Variants in CYP2C18 observed in about 807,000 individuals in gnomAD.
The protein encoded by CYP2C18 is cytochrome P450 2C18.
A neutral mutation model predicts 41.3 loss-of-function variants in CYP2C18; 38 were observed. The ratio of observed to expected loss-of-function variants is 0.92; its 90% CI spans 0.71 to 1.21. CYP2C18 has a LOEUF of 1.21. Among genes scored for constraint, CYP2C18 ranks in the 50% most tolerant of loss-of-function variants. The pLI, the probability that CYP2C18 is intolerant of heterozygous loss-of-function variation, is 0.00. For missense variants in CYP2C18, 635 were observed against 591.4 expected (o/e 1.07, Z -0.77); for synonymous variants, 236 against 210.0 (o/e 1.12, Z -1.07).
chr10:94,696,218 G>T (rs1256769647), intron 4 of CYP2C18, among the ~76,000 whole-genome samples: 1 of 152,160 alleles, frequency 6.6e-6, no homozygotes, highest in Non-Finnish European at 1.5e-5. Flanking sequence ...TAGCCTAACT[G>T]GGAGGCACAC....
intron 5 of CYP2C18, among the ~76,000 whole-genome samples, chr10:94,713,687 T>A (rs1001835349): frequency 4.6e-5 from 7 of 152,322 alleles, no homozygotes; most frequent in Non-Finnish European, 8.8e-5. Flanking sequence ...ATCCTTTGGG[T>A]ATATACCCAG....
intron 4 of CYP2C18, among the ~76,000 whole-genome samples, chr10:94,699,275 T>C (rs550613878): frequency 1.3e-5 from 2 of 152,264 alleles, no homozygotes; most frequent in South Asian, 2.1e-4. Context: ...AAAAAGCTTA[T>C]CCACTATGAT....
At chr10:94,733,623 G>A (rs1847871950) in intron 8 of CYP2C18, 185 bp downstream of exon 8, 1 of 984,094 alleles carries the variant, frequency 1.0e-6, no homozygotes, top group Non-Finnish European at 1.2e-6. Flanking sequence ...GGTTAGTGGG[G>A]CTTTGGGGAG....
chr10:94,703,393 C>T (rs1405722197), intron 4 of CYP2C18, among the ~76,000 whole-genome samples: 6 of 152,228 alleles, frequency 3.9e-5, no homozygotes, highest in Admixed American at 3.9e-4. Context: ...CTATAGTCCC[C>T]TACTGGGGCT....
intron 4 of CYP2C18, among the ~76,000 whole-genome samples, chr10:94,701,448 A>G (rs1385033890): frequency 2.0e-5 from 3 of 152,062 alleles, no homozygotes; most frequent in Non-Finnish European, 4.4e-5. Flanking sequence ...GAAGGGGAAC[A>G]TCACACACTG....
At chr10:94,714,312 T>G (rs1295935974) in intron 5 of CYP2C18, among the ~76,000 whole-genome samples, 2 of 152,222 alleles carry the variant, frequency 1.3e-5, no homozygotes, top group Non-Finnish European at 2.9e-5. Flanking sequence ...TGGTTTTAGA[T>G]CTGACATTTA....
intron 4 of CYP2C18, among the ~76,000 whole-genome samples, chr10:94,701,347 T>G (rs1184006078): frequency 6.6e-6 from 1 of 152,164 alleles, no homozygotes; most frequent in African/African-American, 2.4e-5. Context: ...GAAACCATAA[T>G]TCTCAGCAAA....
intron 4 of CYP2C18, among the ~76,000 whole-genome samples, chr10:94,696,004 C>T (rs1359361368): frequency 6.6e-6 from 1 of 152,106 alleles, no homozygotes; most frequent in East Asian, 1.9e-4. Flanking sequence ...CTGGGTGGAG[C>T]CCACCGCAGC....
chr10:94,711,896 A>T (rs1847441621), intron 5 of CYP2C18, among the ~76,000 whole-genome samples: 1 of 151,290 alleles, frequency 6.6e-6, no homozygotes, highest in Non-Finnish European at 1.5e-5. Context: ...GGCTGTTGTG[A>T]AGTGGTATGA....
At chr10:94,717,051 C>A (rs1447451361) in intron 5 of CYP2C18, among the ~76,000 whole-genome samples, 1 of 152,078 alleles carries the variant, frequency 6.6e-6, no homozygotes, top group African/African-American at 2.4e-5. Flanking sequence ...TTCCTCCTTC[C>A]CTTTATTTTG....
At chr10:94,734,631 T>A (rs78133057) in intron 8 of CYP2C18, among the ~76,000 whole-genome samples, 3 of 151,930 alleles carry the variant, frequency 2.0e-5, no homozygotes, top group African/African-American at 7.3e-5. Flanking sequence ...AGCTTGAAAC[T>A]TTGTGGTGTG....
At chr10:94,718,802 G>A (rs1417627013) in intron 5 of CYP2C18, among the ~76,000 whole-genome samples, 1 of 152,102 alleles carries the variant, frequency 6.6e-6, no homozygotes, top group Non-Finnish European at 1.5e-5. Flanking sequence ...TGTATACTTA[G>A]TCCTCTCTGC....
In CYP2C18 at chr10:94,695,038, C is replaced by A. The variant is rs1160489924; in HGVS notation, c.603C>A (p.Phe201Leu). 12 of 1,612,800 alleles carry A rather than the reference C, an allele frequency of 7.4e-6. No individual in the cohort carries two copies. The highest frequency in any genetic ancestry group is 3.6e-4 in the Middle Eastern group (2 of 5,524). ...GGTTTCTTAACTTGATGGAAAAATT[C>A]AATGAAAACCTCAGGATTCTGAGCT... ...DQRFLNLMEK[F>L]NENLRILSSP... The change falls in exon 4 of 9, where the codon TTC (phenylalanine) becomes TTA (leucine). Residue 201 changes from phenylalanine to leucine, a missense_variant. By Grantham distance (22) the Phe-to-Leu change is conservative (BLOSUM62 0). Coordinates refer to ENST00000285979, the MANE Select transcript of CYP2C18 (RefSeq NM_000772.3).
rs1847866833 is a variant in CYP2C18 at position 94,733,356 on chromosome 10, C to T, written c.1209C>T (p.Asn403=). ...SVLHNDKEFP[N]PEMFDPGHFL... The stretch of plus-strand genomic sequence containing the variant: ...TGCACAATGACAAAGAATTCCCCAA[C>T]CCAGAGATGTTTGACCCTGGCCACT... The change falls in exon 8 of 9, where the codon AAC becomes AAT. Residue 403 remains asparagine (N), a synonymous_variant. Transcript: ENST00000285979. 6.2e-7 allele frequency: 1 copy of T among 1,613,432 alleles called. No individual in the cohort carries two copies. The highest frequency in any genetic ancestry group is 8.5e-7 in the Non-Finnish European group (1 of 1,179,582).
intron 1 of CYP2C18, among the ~76,000 whole-genome samples, chr10:94,685,677 A>T (rs1846873839): frequency 1.3e-5 from 2 of 152,098 alleles, no homozygotes; most frequent in South Asian, 4.1e-4. Flanking sequence ...TGTTCTTGGC[A>T]CCTTTGTCAA....
intron 4 of CYP2C18, among the ~76,000 whole-genome samples, chr10:94,699,931 G>T (rs1433432534): frequency 6.6e-6 from 1 of 152,094 alleles, no homozygotes; most frequent in Non-Finnish European, 1.5e-5. Context: ...GGATGTGAAG[G>T]ACCTCTTCAA....
At chr10:94,706,701 T>G in intron 4 of CYP2C18, 83 bp from the exon 5 acceptor site, 6 of 743,964 alleles carry the variant, frequency 8.1e-6, no homozygotes, top group Non-Finnish European at 1.3e-5. Context: ...AAAAATTCAC[T>G]CCAGTTTTAA....
intron 7 of CYP2C18, 26 bp downstream of exon 7, chr10:94,724,559 T>C (rs767786640): frequency 6.3e-7 from 1 of 1,595,378 alleles, no homozygotes; most frequent in South Asian, 1.1e-5. Context: ...CTACACTACA[T>C]CTCCATGCTC....
intron 7 of CYP2C18, among the ~76,000 whole-genome samples, chr10:94,732,485 GAAAAT>G (rs1196902516): frequency 7.2e-5 from 11 of 151,902 alleles, no homozygotes; most frequent in African/African-American, 2.7e-4. Flanking sequence ...ATTTCCAAAA[GAAAAT>G]AAATCATTCT....
Sources: gnomAD v4.1 joint callset for allele counts (sites outside exome capture counted in the v4.1 genomes callset) on GRCh38, gnomAD v4.1.1 for gene constraint, MANE v1.5 for transcripts, NCBI Gene and HGNC (gene_info 2026-07-23, HGNC 2026-07-21) for gene names.